The following TRIM39 variants were observed in gnomAD, a reference collection of about 807,000 sequenced individuals.
The protein encoded by TRIM39 is tripartite motif containing 39.
A neutral mutation model predicts 53.6 loss-of-function variants in TRIM39; 5 were observed. The observed-to-expected ratio is 0.09, with a 90% CI of 0.05 to 0.20. TRIM39 has a LOEUF of 0.20. TRIM39 is among the 10% of genes least tolerant of loss of function. TRIM39 has a pLI of 1.00. For synonymous variants in TRIM39, 196 were observed against 237.6 expected (o/e 0.82, Z 1.61); for missense variants, 310 against 621.0 (o/e 0.50, Z 5.32).
chr6:30,334,376 A>G (rs375736943), intron 4 of TRIM39, among the ~76,000 whole-genome samples: 1 of 152,160 alleles, frequency 6.6e-6, no homozygotes, highest in African/African-American at 2.4e-5. Context: ...AATTCTCAGA[A>G]AGTGTTATGG....
At chr6:30,329,867 CACTT>C in intron 3 of TRIM39, 97 bp downstream of exon 3, 1 of 1,459,178 alleles carries the variant, frequency 6.9e-7, no homozygotes, top group Non-Finnish European at 9.1e-7. Context: ...TCCTACTACT[CACTT>C]TGTATTCTCA....
chr6:30,342,459 T>C lies in TRIM39; in HGVS notation c.*200T>C. 1.6e-6 allele frequency: 1 copy of C among 614,808 alleles called. No homozygotes were observed. The highest frequency in any genetic ancestry group is 2.8e-6 in the Non-Finnish European group (1 of 351,790). 38.1% of individuals were successfully genotyped at this position (614,808 alleles called of 1,614,324 possible). On this transcript the variant is annotated 3_prime_UTR_variant, in exon 8 of 8. Transcript: ENST00000396551. This position sits in a 1 kb window ranked among gnomAD's most constrained non-coding sequence, Gnocchi z 4.7. ...ATGAGAGAGCACAGCTGTGACTTCC[T>C]CCTAACTGTCAGGGTGGGGAGCTGG...
chr6:30,336,363 T>TA (rs1370071293), intron 5 of TRIM39, among the ~76,000 whole-genome samples: 1 of 152,250 alleles, frequency 6.6e-6, no homozygotes, highest in African/African-American at 2.4e-5. Flanking sequence ...GTTTAAAGGA[T>TA]ACAGGCATAC....
chr6:30,327,838 T>C (rs1286344193), intron 1 of TRIM39: 1 of 152,266 alleles, frequency 6.6e-6, no homozygotes, highest in Non-Finnish European at 1.5e-5. Flanking sequence ...AAAGAAGTTA[T>C]CAGTTCCTAC....
At chr6:30,332,772 T>C (rs933858955) in intron 4 of TRIM39, among the ~76,000 whole-genome samples, 2 of 152,190 alleles carry the variant, frequency 1.3e-5, no homozygotes, top group Admixed American at 6.5e-5. Context: ...AACTGTCCTG[T>C]TTTTTAAACT....
At chr6:30,340,271 G>A in intron 6 of TRIM39, 6 of 1,612,522 alleles carry the variant, frequency 3.7e-6, no homozygotes, top group Non-Finnish European at 5.1e-6. Flanking sequence ...ATGAAATACA[G>A]GAATATTCCT....
intron 3 of TRIM39, among the ~76,000 whole-genome samples, chr6:30,330,387 A>G (rs1296003501): frequency 6.6e-6 from 1 of 152,228 alleles, no homozygotes; most frequent in Non-Finnish European, 1.5e-5. Flanking sequence ...TATAATAACC[A>G]TGTTTTTATT....
intron 3 of TRIM39, among the ~76,000 whole-genome samples, chr6:30,330,136 C>G (rs1381498759): frequency 2.0e-5 from 3 of 152,350 alleles, no homozygotes; most frequent in South Asian, 2.1e-4. Flanking sequence ...TCCTTGTTTT[C>G]ACACTGGTTA....
At position 30,341,706 on chromosome 6, in the gene TRIM39, C is replaced by T. The variant is rs1441110774; in HGVS notation, c.920-6C>T. 2.5e-6 allele frequency: 4 copies of T among 1,606,762 alleles called. No individual in the cohort carries two copies. Among genetic ancestry groups the T allele is most frequent in the Admixed American group, 1.7e-5 (1 of 59,426 alleles). ...TCTAGCTCCCCACTCTGGCTTCTCC[C>T]GCCAGCGGATGTGACCCTGGACCCT... is the stretch of plus-strand genomic sequence containing the variant. On this transcript the variant is annotated splice_polypyrimidine_tract_variant and splice_region_variant and intron_variant, in intron 7 of 7. Coordinates refer to ENST00000396551, the Ensembl canonical transcript of TRIM39.
At chr6:30,341,139 C>T (rs3778626) in intron 7 of TRIM39, among the ~76,000 whole-genome samples, 25,255 of 150,148 alleles carry the variant, frequency 0.17, 2,839 homozygotes, top group East Asian at 0.42. Flanking sequence ...ACCTGGGAAG[C>T]GGAGGTTGCA....
At chr6:30,337,216 A>G (rs1046278261) in intron 5 of TRIM39, among the ~76,000 whole-genome samples, 1 of 152,204 alleles carries the variant, frequency 6.6e-6, no homozygotes, top group Non-Finnish European at 1.5e-5. Flanking sequence ...CAGCCTGGCC[A>G]ACATGGTGAA....
rs574990174 is a variant in TRIM39, at chr6:30,336,175, T to G, written c.780+200T>G. ...TTCTAACCATTTTTGTGTTCTTATC[T>G]CTGGTCAGCAATTATGTGCTTAATC... is the stretch of plus-strand genomic sequence containing the variant. On this transcript the variant is annotated intron_variant, in intron 5 of 7. Coordinates refer to ENST00000396551, the Ensembl canonical transcript of TRIM39. 5 of 790,476 alleles carry G rather than the reference T, an allele frequency of 6.3e-6. No homozygotes were observed. In the South Asian group the frequency reaches 7.3e-5, roughly 12 times the overall value. 49.0% of individuals were successfully genotyped at this position (790,476 alleles called of 1,614,324 possible).
Position 30,335,719 on chromosome 6 carries a change from A to G in TRIM39, c.550-26A>G. 2 of 1,609,732 alleles carry G rather than the reference A, an allele frequency of 1.2e-6. No homozygotes were observed. On this transcript the variant is annotated intron_variant, in intron 4 of 7. Transcript: ENST00000396551. This position sits in a 1 kb window ranked among gnomAD's most constrained non-coding sequence, Gnocchi z 4.7. ...TCCTTATACCACACTGACCCTGCTG[A>G]TACAACATCTTCCCTCTCTTCTCAG...
chr6:30,333,827 G>C (rs1052715127), intron 4 of TRIM39, among the ~76,000 whole-genome samples: 2 of 152,110 alleles, frequency 1.3e-5, no homozygotes, highest in Non-Finnish European at 2.9e-5. Context: ...TATCCTCAGA[G>C]TGTGTTAACA....
chr6:30,331,813 T>C (rs1786216425), intron 4 of TRIM39, among the ~76,000 whole-genome samples: 1 of 152,256 alleles, frequency 6.6e-6, no homozygotes, highest in Admixed American at 6.5e-5. Context: ...TTTTATAGCA[T>C]TGCCTTATTT....
chr6:30,341,648 T>G, intron 7 of TRIM39, 64 bp from the exon 8 acceptor site: 1 of 1,526,824 alleles, frequency 6.5e-7, no homozygotes, highest in Non-Finnish European at 8.8e-7. Context: ...GCTGGAAGAG[T>G]GAGGCAGGGG....
At chr6:30,336,972 G>T (rs1406031914) in intron 5 of TRIM39, among the ~76,000 whole-genome samples, 1 of 152,230 alleles carries the variant, frequency 6.6e-6, no homozygotes, top group African/African-American at 2.4e-5. Context: ...ATTGGATGTT[G>T]TGTTAGCGGA....
In TRIM39 at chr6:30,335,121, T is replaced by C. The variant is rs1786692377; in HGVS notation, c.550-624T>C. Among the ~76,000 whole-genome samples, 1 of 152,202 alleles carries C rather than the reference T, an allele frequency of 6.6e-6. No individual in the cohort carries two copies. Among genetic ancestry groups the C allele is most frequent in the Non-Finnish European group, 1.5e-5 (1 of 68,044 alleles). ...TCTGTAATAGTTAATGTCATCATATTATTGAGTTCTTTATCTTAAATTAAA... is the reference window on the plus strand; with the variant it reads ...TCTGTAATAGTTAATGTCATCATATCATTGAGTTCTTTATCTTAAATTAAA... On this transcript the variant is annotated intron_variant, in intron 4 of 7. Coordinates refer to ENST00000396551, the Ensembl canonical transcript of TRIM39. This position sits in a 1 kb window ranked among gnomAD's most constrained non-coding sequence, Gnocchi z 4.7.
At chr6:30,330,021 T>C (rs981326203) in intron 3 of TRIM39, among the ~76,000 whole-genome samples, 10 of 152,216 alleles carry the variant, frequency 6.6e-5, no homozygotes, top group Admixed American at 6.5e-5. Context: ...TTGGTATGTG[T>C]GGTCATATTT....
Sources: gnomAD v4.1 joint callset for allele counts (sites outside exome capture counted in the v4.1 genomes callset) on GRCh38, gnomAD v4.1.1 for gene constraint, Gnocchi (gnomAD v3.1) non-coding constraint, MANE v1.5 for transcripts, NCBI Gene and HGNC (gene_info 2026-07-23, HGNC 2026-07-21) for gene names.